VEGFD: variants seen among roughly 807,000 people sequenced by gnomAD.
The protein encoded by VEGFD is vascular endothelial growth factor D.
VEGFD carries 26 observed loss-of-function variants against 28.0 expected under a neutral mutation model. The observed-to-expected ratio is 0.93, with a 90% confidence interval of 0.68 to 1.29. The LOEUF (loss-of-function observed/expected upper bound fraction) is 1.29. Ranked by LOEUF, VEGFD falls within the 50% of genes most tolerant of loss-of-function variation. The pLI is 0.00. For synonymous variants in VEGFD, 93 were observed against 95.5 expected (o/e 0.97, Z 0.15); for missense variants, 294 against 273.4 (o/e 1.08, Z -0.53).
chrX:15,359,790 C>A (rs757946590), intron 2 of VEGFD, among the ~76,000 whole-genome samples: 1 of 111,884 alleles, frequency 8.9e-6, no homozygotes, highest in East Asian at 2.8e-4. Context: ...CTGCAAACAA[C>A]AGCTGACTGA....
intron 3 of VEGFD, 133 bp downstream of exon 3, chrX:15,357,870 A>T: frequency 1.8e-6 from 1 of 558,494 alleles, no homozygotes. Flanking sequence ...TACCCTCTTG[A>T]TTTGTTTCAA....
At chrX:15,351,780 T>C (rs1922737905) in intron 5 of VEGFD, among the ~76,000 whole-genome samples, 2 of 112,784 alleles carry the variant, frequency 1.8e-5, no homozygotes, top group South Asian at 7.2e-4. Context: ...AAATTTTTTA[T>C]ATTGATTGCA....
At chrX:15,367,802 A>G (rs890052723) in intron 1 of VEGFD, among the ~76,000 whole-genome samples, 2 of 108,068 alleles carry the variant, frequency 1.9e-5, no homozygotes, top group African/African-American at 6.8e-5. Context: ...TAAAAATACA[A>G]AAATTAGCCA....
intron 1 of VEGFD, among the ~76,000 whole-genome samples, chrX:15,365,826 T>C (rs983289521): frequency 5.4e-5 from 6 of 112,057 alleles, no homozygotes; most frequent in Admixed American, 9.5e-5. Context: ...TAATGTGTTA[T>C]GGGTAAATTA....
At chrX:15,372,972 G>T (rs1401161907) in intron 1 of VEGFD, among the ~76,000 whole-genome samples, 1 of 111,573 alleles carries the variant, frequency 9.0e-6, no homozygotes, top group East Asian at 2.8e-4. Flanking sequence ...TAAATAGCAT[G>T]ATGAAGTTGG....
intron 1 of VEGFD, among the ~76,000 whole-genome samples, chrX:15,366,716 G>A (rs1923156313): frequency 9.0e-6 from 1 of 111,550 alleles, no homozygotes; most frequent in African/African-American, 3.3e-5. Flanking sequence ...ACAGCTCCAG[G>A]CAGCAATGAG....
At position 15,371,139 on chromosome X, in the gene VEGFD, A is replaced by T. The variant is rs181238768; in HGVS notation, c.91-7820T>A. On this transcript the variant is annotated intron_variant, in intron 1 of 6. Coordinates refer to ENST00000297904, the MANE Select transcript of VEGFD (RefSeq NM_004469.5). The stretch of plus-strand genomic sequence containing the variant: ...TTCCCAGGTGATGGCAATACTGTTG[A>T]TTGGCTGACTGCACTTTGAGAAGGG... Among the ~76,000 whole-genome samples, 9 of 111,678 alleles carry T rather than the reference A, an allele frequency of 8.1e-5. No homozygotes were observed. In the East Asian group the frequency reaches 2.5e-3, roughly 31 times the overall value.
intron 3 of VEGFD, among the ~76,000 whole-genome samples, chrX:15,355,696 T>C (rs779051801): frequency 8.9e-6 from 1 of 112,780 alleles, no homozygotes; most frequent in Non-Finnish European, 1.9e-5. Context: ...GACTTTTTAT[T>C]TGGCCATGTC....
chrX:15,351,128 T>C (rs1922709819), intron 5 of VEGFD, among the ~76,000 whole-genome samples: 1 of 91,348 alleles, frequency 1.1e-5, no homozygotes, highest in African/African-American at 4.0e-5. Context: ...TTTTTTTTCT[T>C]TTTTTGAGAC....
chrX:15,352,793 T>C (rs1450463683), intron 5 of VEGFD, among the ~76,000 whole-genome samples: 1 of 112,061 alleles, frequency 8.9e-6, no homozygotes, highest in African/African-American at 3.2e-5. Flanking sequence ...ACTTACTATA[T>C]GATTATGGTA....
intron 1 of VEGFD, among the ~76,000 whole-genome samples, chrX:15,368,632 ATAAC>A (rs1923237600): frequency 8.9e-6 from 1 of 112,430 alleles, no homozygotes; most frequent in South Asian, 3.6e-4. Context: ...TAAGACAAAA[ATAAC>A]AATTAAAAAT....
chrX:15,363,594 G>A (rs1014808028), intron 1 of VEGFD, among the ~76,000 whole-genome samples: 1 of 112,262 alleles, frequency 8.9e-6, no homozygotes, highest in Non-Finnish European at 1.9e-5. Context: ...GCCTCAAAAT[G>A]ATATGTCCAC....
rs746022062 is a variant in VEGFD, at chrX:15,372,887, C to G, written c.91-9568G>C. ...AAATCCTTTTCCTATCTCAAGATAC[C>G]TGACCATTTGCAGGTCAGCTCCCAA... On this transcript the variant is annotated intron_variant, in intron 1 of 6. Coordinates refer to ENST00000297904, the MANE Select transcript of VEGFD (RefSeq NM_004469.5). Among the ~76,000 whole-genome samples, 34 of 111,650 alleles carry G rather than the reference C, an allele frequency of 3.0e-4. No individual in the cohort carries two copies. The South Asian group carries it at 0.012, about 40-fold the overall frequency.
At position 15,347,222 on chromosome X, in the gene VEGFD, T is replaced by C; in HGVS notation, c.880A>G (p.Lys294Glu). 2 of 1,211,930 alleles carry C rather than the reference T, an allele frequency of 1.7e-6. No individual in the cohort carries two copies. Among genetic ancestry groups the C allele is most frequent in the South Asian group, 3.5e-5 (2 of 56,979 alleles). ...TGGCAGCAGGTCTCCAGACTTTCTT[T>C]GCACTCAAAGCAACTGCAGTTTTTG... Reference protein sequence around the residue: ...HPKNCSCFECKESLETCCQKH... With the variant: ...HPKNCSCFECEESLETCCQKH... Residue 294 changes from lysine (K) to glutamate (E), a missense_variant, in exon 6 of 7, where the codon AAA (lysine) becomes GAA (glutamate). By Grantham distance (56) the Lys-to-Glu change is moderately conservative. Coordinates refer to ENST00000297904, the MANE Select transcript of VEGFD (RefSeq NM_004469.5).
intron 3 of VEGFD, among the ~76,000 whole-genome samples, chrX:15,355,846 G>A (rs1029775384): frequency 1.8e-5 from 2 of 111,827 alleles, no homozygotes; most frequent in African/African-American, 3.3e-5. Context: ...TGGTCCAAGC[G>A]ATGGGAAACA....
intron 1 of VEGFD, among the ~76,000 whole-genome samples, chrX:15,366,406 A>G (rs769174480): frequency 8.9e-6 from 1 of 111,972 alleles, no homozygotes; most frequent in South Asian, 3.7e-4. Context: ...TTAGATTTTA[A>G]CTTTATAGGT....
At chrX:15,354,145 A>C (rs1922805945) in intron 4 of VEGFD, among the ~76,000 whole-genome samples, 1 of 107,488 alleles carries the variant, frequency 9.3e-6, no homozygotes, top group Non-Finnish European at 1.9e-5. Context: ...ATTTTTTTTT[A>C]TATTTTTAGT....
chrX:15,363,368 ATT>A, intron 1 of VEGFD, 49 bp from the exon 2 acceptor site: 4 of 1,007,089 alleles, frequency 4.0e-6, no homozygotes, highest in Non-Finnish European at 5.5e-6. Context: ...TAAATTTTAA[ATT>A]TGTCATAATA....
At chrX:15,359,362 CTT>C (rs1171408211) in intron 2 of VEGFD, among the ~76,000 whole-genome samples, 826 of 62,779 alleles carry the variant, frequency 0.013, 9 homozygotes, top group African/African-American at 0.051. Context: ...CACTTGCAGG[CTT>C]TTTTTTTTTT....
Sources: allele counts gnomAD v4.1 joint callset (sites outside exome capture counted in the v4.1 genomes callset), GRCh38; gene constraint gnomAD v4.1.1; transcripts MANE v1.5; gene names NCBI Gene and HGNC (gene_info 2026-07-23, HGNC 2026-07-21).